SLC4A4: variants seen among roughly 807,000 people sequenced by gnomAD.
The protein encoded by SLC4A4 is electrogenic sodium bicarbonate cotransporter 1.
In SLC4A4, 27 loss-of-function variants were observed where a neutral mutation model predicts 111.5. That is an observed-to-expected ratio of 0.24 (90% CI 0.18 to 0.33). SLC4A4 has a LOEUF of 0.33. SLC4A4 is among the 10% of genes least tolerant of loss of function. SLC4A4 has a pLI of 1.00. For synonymous variants in SLC4A4, 443 were observed against 463.4 expected (o/e 0.96, Z 0.57); for missense variants, 909 against 1,315.5 (o/e 0.69, Z 4.78).
intron 16 of SLC4A4, among the ~76,000 whole-genome samples, chr4:71,517,884 G>A (rs1732551986): frequency 8.7e-6 from 1 of 115,400 alleles, no homozygotes; most frequent in Non-Finnish European, 1.6e-5. Context: ...ACAGGTGAGT[G>A]CACCTGGCAC....
intron 1 of SLC4A4, among the ~76,000 whole-genome samples, chr4:71,066,378 C>T (rs910321768): frequency 6.6e-6 from 1 of 152,114 alleles, no homozygotes. Context: ...CATTTTATAT[C>T]TAGTAAGTGG....
rs182084267 is a variant in SLC4A4, at chr4:71,570,743, A to C, written c.*2992A>C. 1 of 152,180 alleles carries C rather than the reference A, an allele frequency of 6.6e-6. No individual in the cohort carries two copies. The highest frequency in any genetic ancestry group is 2.4e-5 in the African/African-American group (1 of 41,528). 9.4% of individuals were successfully genotyped at this position (152,180 alleles called of 1,614,324 possible). ...TAAGTCAAGTGTCTGCCTTATCAAA[A>C]GAGCAAAAATGCCTCTGGTTTTGTG... On this transcript the variant is annotated 3_prime_UTR_variant, in exon 26 of 26. Coordinates refer to ENST00000264485, the MANE Select transcript of SLC4A4 (RefSeq NM_001098484.3).
At chr4:71,536,460 AT>A in intron 18 of SLC4A4, among the ~76,000 whole-genome samples, 1 of 51,948 alleles carries the variant, frequency 1.9e-5, no homozygotes, top group Non-Finnish European at 3.9e-5. Flanking sequence ...ATATATACAT[AT>A]ATACATATAT....
chr4:71,149,789 T>C (rs1363132581), intron 2 of SLC4A4, among the ~76,000 whole-genome samples: 3 of 152,158 alleles, frequency 2.0e-5, no homozygotes, highest in Non-Finnish European at 4.4e-5. Flanking sequence ...GGCTTTTCTG[T>C]TCTTATCACC....
intron 3 of SLC4A4, among the ~76,000 whole-genome samples, chr4:71,324,080 C>A (rs1361023671): frequency 6.6e-6 from 1 of 151,858 alleles, no homozygotes; most frequent in South Asian, 2.1e-4. Flanking sequence ...CCAGCAAATT[C>A]TTGGGATGTT....
intron 3 of SLC4A4, among the ~76,000 whole-genome samples, chr4:71,284,788 T>C (rs1042848124): frequency 1.3e-5 from 2 of 152,224 alleles, no homozygotes; most frequent in African/African-American, 2.4e-5. Flanking sequence ...CTTTTATATA[T>C]CTGTATTCTT....
intron 23 of SLC4A4, among the ~76,000 whole-genome samples, chr4:71,560,762 T>C (rs2149253436): frequency 6.6e-6 from 1 of 151,924 alleles, no homozygotes; most frequent in East Asian, 2.0e-4. Flanking sequence ...TATACTGATA[T>C]GATTCAGCAT....
In SLC4A4 at chr4:71,463,150, G is replaced by A. The variant is rs539117845; in HGVS notation, c.1498-3294G>A. ...CAACCAAAATGGACTAGAGCACTTT[G>A]TGGCATCCTATTGCTCCACACCTCA... On this transcript the variant is annotated intron_variant, in intron 12 of 25. Coordinates refer to ENST00000264485, the MANE Select transcript of SLC4A4 (RefSeq NM_001098484.3). Among the ~76,000 whole-genome samples, 7 of 152,278 alleles carry A rather than the reference G, an allele frequency of 4.6e-5. No homozygotes were observed. The South Asian group carries it at 1.4e-3, about 32-fold the overall frequency.
At chr4:71,174,769 G>A (rs1193101616) in intron 2 of SLC4A4, among the ~76,000 whole-genome samples, 1 of 152,084 alleles carries the variant, frequency 6.6e-6, no homozygotes, top group Non-Finnish European at 1.5e-5. Flanking sequence ...TTGAGACAGG[G>A]TCTTGTTGTT....
At chr4:71,351,455 A>G (rs150367513) in intron 5 of SLC4A4, among the ~76,000 whole-genome samples, 1 of 152,374 alleles carries the variant, frequency 6.6e-6, no homozygotes, top group African/African-American at 2.4e-5. Flanking sequence ...CCAGTCCAAT[A>G]TAACCAAGGA....
chr4:71,374,529 A>G (rs1281492671), intron 6 of SLC4A4, among the ~76,000 whole-genome samples: 1 of 152,224 alleles, frequency 6.6e-6, no homozygotes, highest in Non-Finnish European at 1.5e-5. Flanking sequence ...ACCACTTTTT[A>G]ATAAAGGAAT....
chr4:71,123,096 G>C (rs1024343276), intron 2 of SLC4A4, among the ~76,000 whole-genome samples: 1 of 152,170 alleles, frequency 6.6e-6, no homozygotes, highest in African/African-American at 2.4e-5. Context: ...AAGATCTTTA[G>C]ATGGTATAAT....
chr4:71,307,317 C>T (rs1725772461), intron 3 of SLC4A4, among the ~76,000 whole-genome samples: 1 of 152,184 alleles, frequency 6.6e-6, no homozygotes, highest in African/African-American at 2.4e-5. Context: ...CCCCTTCACC[C>T]CATGCCTCAC....
intron 2 of SLC4A4, among the ~76,000 whole-genome samples, chr4:71,244,157 T>C (rs1720459033): frequency 6.6e-6 from 1 of 152,206 alleles, no homozygotes; most frequent in Non-Finnish European, 1.5e-5. Flanking sequence ...ATCTAATGGA[T>C]ACGTGTGTTT....
intron 2 of SLC4A4, among the ~76,000 whole-genome samples, chr4:71,179,845 A>C (rs1294758825): frequency 6.6e-6 from 1 of 152,188 alleles, no homozygotes; most frequent in Non-Finnish European, 1.5e-5. Flanking sequence ...GAATTGGAAA[A>C]ACTACTTTAA....
At chr4:71,504,363 C>G (rs1731201125) in intron 16 of SLC4A4, among the ~76,000 whole-genome samples, 1 of 152,018 alleles carries the variant, frequency 6.6e-6, no homozygotes, top group South Asian at 2.1e-4. Context: ...AAGATGACTT[C>G]AAGTTCAGGA....
intron 3 of SLC4A4, among the ~76,000 whole-genome samples, chr4:71,281,896 A>C (rs1244861115): frequency 6.6e-6 from 1 of 151,778 alleles, no homozygotes; most frequent in Non-Finnish European, 1.5e-5. Flanking sequence ...GACTGAGGCA[A>C]GGGTCATTTG....
At chr4:71,406,328 T>TA (rs1014884435) in intron 7 of SLC4A4, among the ~76,000 whole-genome samples, 2 of 151,510 alleles carry the variant, frequency 1.3e-5, no homozygotes, top group African/African-American at 4.9e-5. Context: ...AACACTTTTT[T>TA]TTTTAACATG....
At chr4:71,486,329 TTAATAAATTA>T (rs1729399126) in intron 14 of SLC4A4, among the ~76,000 whole-genome samples, 6 of 151,500 alleles carry the variant, frequency 4.0e-5, no homozygotes, top group Non-Finnish European at 7.4e-5. Flanking sequence ...GAACGTTGGT[TTAATAAATTA>T]GGTTCTTCTT....
Sources: allele counts gnomAD v4.1 joint callset (sites outside exome capture counted in the v4.1 genomes callset), GRCh38; gene constraint gnomAD v4.1.1; transcripts MANE v1.5; gene names NCBI Gene and HGNC (gene_info 2026-07-23, HGNC 2026-07-21).